The following FAM219A variants were observed in gnomAD, a reference collection of about 807,000 sequenced individuals.
FAM219A encodes protein FAM219A.
FAM219A carries 7 observed loss-of-function variants against 23.4 expected under a neutral mutation model. That is an observed-to-expected ratio of 0.30 (90% CI 0.17 to 0.56). FAM219A has a LOEUF of 0.56. Ranked by LOEUF, FAM219A falls within the 20% of genes least tolerant of loss-of-function variation. The pLI is 0.92. For synonymous variants in FAM219A, 93 were observed against 99.0 expected (o/e 0.94, Z 0.36); for missense variants, 166 against 246.9 (o/e 0.67, Z 2.20).
intron 1 of FAM219A, among the ~76,000 whole-genome samples, chr9:34,416,829 TTAAA>T (rs1395808181): frequency 6.6e-6 from 1 of 150,662 alleles, no homozygotes; most frequent in Non-Finnish European, 1.5e-5. Flanking sequence ...TTTTTTTTTT[TTAAA>T]TAGAGGCAGG....
chr9:34,430,636 C>CAAAAA (rs757627612), intron 1 of FAM219A, among the ~76,000 whole-genome samples: 8 of 56,234 alleles, frequency 1.4e-4, no homozygotes, highest in South Asian at 8.6e-4. Context: ...GACTCCGTCT[C>CAAAAA]AAAAAAAAAA....
chr9:34,399,095 C>T lies in FAM219A; in HGVS notation c.*1869G>A, dbSNP rs1821330364. 1 of 152,282 alleles carries T rather than the reference C, an allele frequency of 6.6e-6. No individual in the cohort carries two copies. Among genetic ancestry groups the T allele is most frequent in the Non-Finnish European group, 1.5e-5 (1 of 68,172 alleles). 9.4% of individuals were successfully genotyped at this position (152,282 alleles called of 1,614,324 possible). On this transcript the variant is annotated 3_prime_UTR_variant, in exon 6 of 6. Transcript: ENST00000651358. Reference sequence around the variant, plus strand: ...TCATTGCTCCCCATTCCAGCTCCCACCTCCCAGGATTGGTGTCCAGAGAGT... The same window carrying T: ...TCATTGCTCCCCATTCCAGCTCCCATCTCCCAGGATTGGTGTCCAGAGAGT...
chr9:34,426,028 G>GT (rs1822452773), intron 1 of FAM219A, among the ~76,000 whole-genome samples: 1 of 152,198 alleles, frequency 6.6e-6, no homozygotes, highest in Non-Finnish European at 1.5e-5. Context: ...GGGAGCAATA[G>GT]TTTGTCTTCA....
Position 34,401,717 on chromosome 9 carries a change from A to T in FAM219A, c.348T>A (p.Asp116Glu). The part of the protein sequence containing the change: ...KPLVALDTDS[D>E]DDFDMSRYSS... ...AGTATCTAGACATGTCAAAGTCATCATCGCTGGCCATGGAGGAAAGAGAGG... is the reference window on the plus strand; with the variant it reads ...AGTATCTAGACATGTCAAAGTCATCTTCGCTGGCCATGGAGGAAAGAGAGG... The change falls in exon 5 of 6, where the codon GAT becomes GAA. Residue 116 changes from aspartate to glutamate, a missense_variant. By Grantham distance (45) the Asp-to-Glu change is conservative (BLOSUM62 2). This residue lies in a region of FAM219A where 72 missense variants were observed against 131.0 expected (regional missense o/e 0.55). Coordinates refer to ENST00000651358, the MANE Select transcript of FAM219A (RefSeq NM_001184940.2). 6.2e-7 allele frequency: 1 copy of T among 1,607,746 alleles called. No individual in the cohort carries two copies.
chr9:34,422,391 T>C (rs547268656), intron 1 of FAM219A, among the ~76,000 whole-genome samples: 2 of 152,312 alleles, frequency 1.3e-5, no homozygotes, highest in East Asian at 3.9e-4. Flanking sequence ...GGTAGGCAAT[T>C]TGAATCTAAT....
chr9:34,420,586 C>A (rs562032362), intron 1 of FAM219A, among the ~76,000 whole-genome samples: 1 of 152,178 alleles, frequency 6.6e-6, no homozygotes, highest in South Asian at 2.1e-4. Context: ...AACAGATAAC[C>A]CAAAGGAAGG....
At chr9:34,403,559 G>A (rs1222426505) in intron 2 of FAM219A, among the ~76,000 whole-genome samples, 1 of 152,210 alleles carries the variant, frequency 6.6e-6, no homozygotes, top group Non-Finnish European at 1.5e-5. Context: ...CCTTTGCCAA[G>A]GTCTGAGTTC....
chr9:34,449,969 G>A (rs950029524), intron 1 of FAM219A, among the ~76,000 whole-genome samples: 4 of 152,118 alleles, frequency 2.6e-5, no homozygotes, highest in Admixed American at 6.6e-5. Context: ...TGCATGGTGC[G>A]TGGCCAAGGG....
chr9:34,442,443 G>A (rs1183451227), intron 1 of FAM219A, among the ~76,000 whole-genome samples: 1 of 152,136 alleles, frequency 6.6e-6, no homozygotes, highest in Non-Finnish European at 1.5e-5. Flanking sequence ...CCAGCACTTC[G>A]GGAGCCTGCG....
At position 34,401,628 on chromosome 9, in the gene FAM219A, C is replaced by A. The variant is rs575639308; in HGVS notation, c.399+38G>T. The A allele has an allele frequency of 4.1e-5, 66 of 1,595,180 alleles. No homozygotes were observed. In the South Asian group the frequency reaches 7.0e-4, roughly 17 times the overall value. ...CTCCCCCGGGATGGCAGTGATCCTG[C>A]CCGGTGGTGTCTAGGGTGAGAAGGG... On this transcript the variant is annotated intron_variant, in intron 5 of 5. Coordinates refer to ENST00000651358, the MANE Select transcript of FAM219A (RefSeq NM_001184940.2).
chr9:34,401,126 T>C lies in FAM219A; in HGVS notation c.400-4A>G, dbSNP rs1015035671. The C allele has an allele frequency of 1.2e-6, 2 of 1,612,924 alleles. No homozygotes were observed. Among genetic ancestry groups the C allele is most frequent in the Non-Finnish European group, 1.7e-6 (2 of 1,179,444 alleles). The stretch of plus-strand genomic sequence containing the variant: ...TGTTCAAATCTTGGTTGATCTGCTG[T>C]AGGCAAAGGGGAGGGAGGTCAGGCC... On this transcript the variant is annotated splice_polypyrimidine_tract_variant and splice_region_variant and intron_variant, in intron 5 of 5. Coordinates refer to ENST00000651358, the MANE Select transcript of FAM219A (RefSeq NM_001184940.2).
chr9:34,438,271 C>T (rs932391554), intron 1 of FAM219A, among the ~76,000 whole-genome samples: 27 of 152,232 alleles, frequency 1.8e-4, no homozygotes, highest in Non-Finnish European at 3.7e-4. Flanking sequence ...CCCCAATGAG[C>T]GCCACCCCCT....
chr9:34,452,503 AC>A (rs149802025), intron 1 of FAM219A, among the ~76,000 whole-genome samples: 3,022 of 151,998 alleles, frequency 0.02, 52 homozygotes, highest in Non-Finnish European at 0.027. Context: ...TGCCTATTCC[AC>A]CTTATTAGTA....
At chr9:34,445,336 A>G (rs914978910) in intron 1 of FAM219A, among the ~76,000 whole-genome samples, 9 of 152,214 alleles carry the variant, frequency 5.9e-5, no homozygotes, top group African/African-American at 2.2e-4. Flanking sequence ...ACAGCACATT[A>G]AAGTGGACAC....
intron 1 of FAM219A, among the ~76,000 whole-genome samples, chr9:34,423,195 G>T (rs547142870): frequency 1.3e-5 from 2 of 152,186 alleles, no homozygotes; most frequent in Non-Finnish European, 2.9e-5. Context: ...CCCATGAAGA[G>T]CTCATAAGCC....
intron 1 of FAM219A, among the ~76,000 whole-genome samples, chr9:34,446,829 A>G (rs1307994962): frequency 2.0e-5 from 3 of 152,356 alleles, no homozygotes; most frequent in Middle Eastern, 6.8e-3. Context: ...AATCTCTTGA[A>G]TGATGATATC....
chr9:34,435,220 G>A (rs1300924416), intron 1 of FAM219A, among the ~76,000 whole-genome samples: 3 of 152,188 alleles, frequency 2.0e-5, no homozygotes, highest in African/African-American at 7.2e-5. Context: ...TGAGTCAAGT[G>A]TGGCATGTCA....
intron 1 of FAM219A, among the ~76,000 whole-genome samples, chr9:34,454,842 T>C (rs1246885341): frequency 1.3e-5 from 2 of 152,210 alleles, no homozygotes; most frequent in Admixed American, 1.3e-4. Flanking sequence ...TCTTTCCAAG[T>C]AGGCAATGGC....
chr9:34,402,556 T>C (rs1182456787), intron 3 of FAM219A, 89 bp from the exon 4 acceptor site: 1 of 1,576,442 alleles, frequency 6.3e-7, no homozygotes, highest in East Asian at 2.2e-5. Context: ...CACCACTTTC[T>C]TCCCTCCCTC....
Sources: allele counts gnomAD v4.1 joint callset (sites outside exome capture counted in the v4.1 genomes callset), GRCh38; gene constraint gnomAD v4.1.1; regional missense constraint gnomAD v4.1.1; transcripts MANE v1.5; gene names NCBI Gene and HGNC (gene_info 2026-07-23, HGNC 2026-07-21).